The following TMTC2 variants were observed in gnomAD, a reference collection of about 807,000 sequenced individuals.
TMTC2 encodes the protein protein O-mannosyl-transferase TMTC2.
TMTC2 carries 43 observed loss-of-function variants against 82.4 expected under a neutral mutation model. The ratio of observed to expected loss-of-function variants is 0.52; its 90% CI spans 0.41 to 0.67. The LOEUF is 0.67. Among genes scored for constraint, TMTC2 ranks in the 30% least tolerant of loss-of-function variants. The pLI is 0.00. For missense variants in TMTC2, 919 were observed against 1,012.4 expected (o/e 0.91, Z 1.25); for synonymous variants, 408 against 381.9 (o/e 1.07, Z -0.80).
chr12:82,961,607 C>T (rs1877938465), intron 4 of TMTC2, among the ~76,000 whole-genome samples: 1 of 152,000 alleles, frequency 6.6e-6, no homozygotes. Context: ...GGTTAATTCT[C>T]TGAGCCTCTC....
chr12:82,959,603 G>A (rs977566523), intron 4 of TMTC2, among the ~76,000 whole-genome samples: 1 of 152,038 alleles, frequency 6.6e-6, no homozygotes, highest in African/African-American at 2.4e-5. Flanking sequence ...AATAATGCTG[G>A]GATAGCTGGC....
At chr12:82,813,328 A>G (rs1868509853) in intron 1 of TMTC2, among the ~76,000 whole-genome samples, 1 of 152,066 alleles carries the variant, frequency 6.6e-6, no homozygotes, top group Admixed American at 6.6e-5. Context: ...TTTTTCGTTA[A>G]GTCTTGTGAA....
chr12:82,881,807 G>A (rs936934895), intron 2 of TMTC2, among the ~76,000 whole-genome samples: 5 of 152,048 alleles, frequency 3.3e-5, no homozygotes, highest in African/African-American at 1.2e-4. Flanking sequence ...TGTGCTTTCA[G>A]CAAAGTTATT....
At chr12:83,051,149 A>G (rs1333708620) in intron 10 of TMTC2, 131 bp downstream of exon 10, 1 of 617,238 alleles carries the variant, frequency 1.6e-6, no homozygotes, top group East Asian at 3.0e-5. Context: ...TATGTAAAAA[A>G]TTAGAAATAT....
intron 3 of TMTC2, among the ~76,000 whole-genome samples, chr12:82,926,952 G>A (rs953039593): frequency 2.0e-5 from 3 of 152,154 alleles, no homozygotes; most frequent in African/African-American, 4.8e-5. Flanking sequence ...CCTCGTCACC[G>A]AAGAACTCTG....
At chr12:83,081,032 G>A (rs576397475) in intron 11 of TMTC2, among the ~76,000 whole-genome samples, 1 of 152,312 alleles carries the variant, frequency 6.6e-6, no homozygotes, top group Middle Eastern at 3.4e-3. Context: ...TATCCTCTCA[G>A]AGACAGTAAA....
intron 1 of TMTC2, among the ~76,000 whole-genome samples, chr12:82,736,975 A>G (rs188488526): frequency 8.6e-4 from 131 of 152,324 alleles, no homozygotes; most frequent in Non-Finnish European, 1.5e-3. Flanking sequence ...ATGATTTTAG[A>G]CATTCTTAAA....
At chr12:82,828,528 C>T (rs1335983488) in intron 1 of TMTC2, among the ~76,000 whole-genome samples, 1 of 152,112 alleles carries the variant, frequency 6.6e-6, no homozygotes, top group Non-Finnish European at 1.5e-5. Context: ...GCTCTTAGTT[C>T]TGTATGGCCT....
chr12:82,822,046 C>T (rs572720850), intron 1 of TMTC2, among the ~76,000 whole-genome samples: 44 of 152,074 alleles, frequency 2.9e-4, no homozygotes, highest in Non-Finnish European at 5.7e-4. Context: ...ATGCATATTA[C>T]TAAATGAAAG....
At chr12:82,950,039 G>A (rs1396886498) in intron 4 of TMTC2, among the ~76,000 whole-genome samples, 2 of 152,146 alleles carry the variant, frequency 1.3e-5, no homozygotes, top group Non-Finnish European at 2.9e-5. Flanking sequence ...TAATTAAGAA[G>A]CAGTGTGTAT....
At chr12:82,920,883 G>A (rs961202371) in intron 3 of TMTC2, among the ~76,000 whole-genome samples, 9 of 152,120 alleles carry the variant, frequency 5.9e-5, no homozygotes, top group South Asian at 2.1e-4. Flanking sequence ...GTTCCCAGCC[G>A]GCATCTTTGA....
intron 7 of TMTC2, among the ~76,000 whole-genome samples, chr12:82,971,707 C>T (rs1413407738): frequency 2.0e-5 from 3 of 151,416 alleles, no homozygotes; most frequent in African/African-American, 2.4e-5. Flanking sequence ...TAATATATCT[C>T]GAGAACAAAA....
At chr12:82,692,471 A>G (rs1010242074) in intron 1 of TMTC2, among the ~76,000 whole-genome samples, 3 of 152,252 alleles carry the variant, frequency 2.0e-5, no homozygotes, top group African/African-American at 4.8e-5. Context: ...TGGTGGTACA[A>G]CTGTCTTTCG....
chr12:82,766,627 G>A (rs995598453), intron 1 of TMTC2, among the ~76,000 whole-genome samples: 7 of 152,100 alleles, frequency 4.6e-5, no homozygotes, highest in South Asian at 2.1e-4. Context: ...GATCAAGTCC[G>A]ACGAAAATGC....
chr12:82,710,773 T>C (rs563051119), intron 1 of TMTC2, among the ~76,000 whole-genome samples: 46 of 152,312 alleles, frequency 3.0e-4, no homozygotes, highest in African/African-American at 1.0e-3. Flanking sequence ...TGGAAGCAAG[T>C]TAGTGACTTG....
chr12:82,912,738 G>A (rs950257449), intron 3 of TMTC2, among the ~76,000 whole-genome samples: 26 of 151,736 alleles, frequency 1.7e-4, no homozygotes, highest in African/African-American at 6.3e-4. Flanking sequence ...AGGAGTTTGA[G>A]ACCTGCCTGG....
rs541839893 is a variant in TMTC2 at position 82,986,907 on chromosome 12, G to A, written c.2070+861G>A. On this transcript the variant is annotated intron_variant, in intron 8 of 11. Coordinates refer to ENST00000321196, the MANE Select transcript of TMTC2 (RefSeq NM_152588.3). ...CATAGACAATAGGTGATAGAACTAG[G>A]CTTCAATCTTAGTCTGAATCAAATA... Among the ~76,000 whole-genome samples the A allele has an allele frequency of 2.0e-5, 3 of 152,118 alleles. No individual in the cohort carries two copies. The South Asian group carries it at 6.2e-4, about 32-fold the overall frequency.
chr12:82,990,813 C>T (rs1879366384), intron 8 of TMTC2, among the ~76,000 whole-genome samples: 1 of 152,056 alleles, frequency 6.6e-6, no homozygotes, highest in Non-Finnish European at 1.5e-5. Context: ...TGTTCCCTCC[C>T]TCCCCTCCAG....
intron 4 of TMTC2, among the ~76,000 whole-genome samples, chr12:82,932,531 G>A (rs1474702741): frequency 6.6e-6 from 1 of 151,822 alleles, no homozygotes; most frequent in Non-Finnish European, 1.5e-5. Context: ...CTCCTACAAA[G>A]GCTCAAGTCC....
Sources: gnomAD v4.1 joint callset for allele counts (sites outside exome capture counted in the v4.1 genomes callset) on GRCh38, gnomAD v4.1.1 for gene constraint, MANE v1.5 for transcripts, NCBI Gene and HGNC (gene_info 2026-07-23, HGNC 2026-07-21) for gene names.